Variants in CPNE7 observed in about 807,000 individuals in gnomAD.
The protein encoded by CPNE7 is copine 7, also known as copine-7.
CPNE7 carries 78 observed loss-of-function variants against 66.5 expected under a neutral mutation model. The ratio of observed to expected loss-of-function variants is 1.17; its 90% CI spans 0.98 to 1.42. The LOEUF (loss-of-function observed/expected upper bound fraction) is 1.42. CPNE7 is among the 40% of genes most tolerant of loss of function. CPNE7 has a pLI of 0.00. For missense variants in CPNE7, 1,012 were observed against 776.6 expected (o/e 1.30, Z -3.60); for synonymous variants, 468 against 336.7 (o/e 1.39, Z -4.27).
At chr16:89,585,401 C>G in intron 5 of CPNE7, 63 bp from the exon 6 acceptor site, 1 of 1,185,112 alleles carries the variant, frequency 8.4e-7, no homozygotes, top group Non-Finnish European at 1.2e-6. Context: ...ACCCAGGTCT[C>G]TATCCCCCCC....
rs548466833 is a variant in CPNE7, at chr16:89,578,002, G to C, written c.357+281G>C. Among the ~76,000 whole-genome samples the C allele has an allele frequency of 1.1e-4, 16 of 152,284 alleles. 1 individual carries two copies. In the East Asian group the frequency reaches 1.5e-3, roughly 15 times the overall value. ...CTGCCAGGTCCCTGGACATTGTCCA[G>C]AGAGAGATTTTCACAGGAGCAAACC... On this transcript the variant is annotated intron_variant, in intron 2 of 14. Transcript: ENST00000319518.
intron 13 of CPNE7, among the ~76,000 whole-genome samples, chr16:89,591,689 G>A (rs912700085): frequency 6.6e-6 from 1 of 152,110 alleles, no homozygotes; most frequent in Non-Finnish European, 1.5e-5. Context: ...CCAGCCTGCT[G>A]CTTTCTTTTC....
rs758618482 is a variant in CPNE7, at chr16:89,588,695, C to T, written c.948C>T (p.Ala316=). The change falls in exon 10 of 15, where the codon GCC becomes GCT. Residue 316 remains alanine (A), a synonymous_variant. Coordinates refer to ENST00000319518, the MANE Select transcript of CPNE7 (RefSeq NM_153636.3). ...TGCAGGTGGCCATTGACTTCACCGC[C>T]TCCAATGGAGACCCGCGGAACAGCT... ...IHFTVAIDFT[A]SNGDPRNSCS... is the part of the protein sequence containing the mutation. 3 of 1,613,430 alleles carry T rather than the reference C, an allele frequency of 1.9e-6. No homozygotes were observed. Among genetic ancestry groups the T allele is most frequent in the East Asian group, 2.2e-5 (1 of 44,880 alleles).
intron 9 of CPNE7, chr16:89,587,435 C>T (rs1597707833): frequency 5.0e-6 from 2 of 397,192 alleles, no homozygotes; most frequent in Non-Finnish European, 1.0e-5. Flanking sequence ...TGCGCGGCTC[C>T]TGGGGGTCCT....
At chr16:89,587,631 G>A (rs1276574054) in intron 9 of CPNE7, 9 of 450,030 alleles carry the variant, frequency 2.0e-5, no homozygotes, top group Non-Finnish European at 4.0e-5. Context: ...CATCCAAGGA[G>A]CCCGGCACAG....
In CPNE7 at chr16:89,585,782, G is replaced by C; in HGVS notation, c.777G>C (p.Gly259=). The change falls in exon 7 of 15, where the codon GGG becomes GGC. Residue 259 remains glycine, a synonymous_variant. Coordinates refer to ENST00000319518, the MANE Select transcript of CPNE7 (RefSeq NM_153636.3). ...AGATGCAGAAGGCCTTTGAGGAGGG[G>C]CAGGTGAGCAGGACGGGGTAGGGGG... ...FEEMQKAFEE[G]QAQWDCVNPK... 1 of 1,517,804 alleles carries C rather than the reference G, an allele frequency of 6.6e-7. No individual in the cohort carries two copies. Among genetic ancestry groups the C allele is most frequent in the Non-Finnish European group, 8.8e-7 (1 of 1,132,042 alleles). 94.0% of individuals were successfully genotyped at this position (1,517,804 alleles called of 1,614,324 possible).
At position 89,585,498 on chromosome 16, in the gene CPNE7, C is replaced by T. The variant is rs1270903911; in HGVS notation, c.626C>T (p.Ala209Val). 5.0e-6 allele frequency: 8 copies of T among 1,612,278 alleles called. No homozygotes were observed. The highest frequency in any genetic ancestry group is 2.2e-5 in the South Asian group (2 of 90,846). The change falls in exon 6 of 15, where the codon GCC becomes GTC. Residue 209 changes from alanine (A) to valine (V), a missense_variant. Physicochemically the swap from Ala to Val is moderately conservative, Grantham distance 64. Coordinates refer to ENST00000319518, the MANE Select transcript of CPNE7 (RefSeq NM_153636.3). ...AACAACCTGAACCCGGTGTGGGAGGCCTTCAAAGTCTCTCTGAGTTCCCTC... is the reference window on the plus strand; with the variant it reads ...AACAACCTGAACCCGGTGTGGGAGGTCTTCAAAGTCTCTCTGAGTTCCCTC... ...VKNNLNPVWE[A>V]FKVSLSSLCS...
rs1165818415 is a variant in CPNE7 at position 89,575,958 on chromosome 16, G to A, written c.61G>A (p.Ala21Thr). The change falls in exon 1 of 15, where the codon GCC becomes ACC. Residue 21 changes from alanine to threonine, a missense_variant. Ala to Thr is a moderately conservative substitution (Grantham distance 58, BLOSUM62 0). Transcript: ENST00000319518. ...ATPGGLPAPC[A>T]SKVELRLSCR... ...CCCCGGGGGTTTGCCCGCGCCCTGC[G>A]CCTCGAAGGTGGAGCTGCGGCTCAG... 5.9e-6 allele frequency: 8 copies of A among 1,351,528 alleles called. No individual in the cohort carries two copies. Among genetic ancestry groups the A allele is most frequent in the Non-Finnish European group, 7.6e-6 (8 of 1,050,588 alleles). 83.7% of individuals were successfully genotyped at this position (1,351,528 alleles called of 1,614,324 possible).
chr16:89,584,829 A>T lies in CPNE7; in HGVS notation c.563A>T (p.Gln188Leu). The change falls in exon 5 of 15, where the codon CAG (glutamine) becomes CTG (leucine). Residue 188 changes from glutamine (Q) to leucine (L), a missense_variant. By Grantham distance (113) the Gln-to-Leu change is moderately radical (BLOSUM62 -2). Coordinates refer to ENST00000319518, the MANE Select transcript of CPNE7 (RefSeq NM_153636.3). This position sits in a 1 kb window ranked among gnomAD's most constrained non-coding sequence, Gnocchi z 6.0. Reference protein sequence around the residue: ...FLELYRVNDDQGLQLVYRTEV... With the variant: ...FLELYRVNDDLGLQLVYRTEV... ...GAGCTCTACAGGGTCAACGACGACC[A>T]GGGCTTGCAGCTGGTGTACAGGACG... is the stretch of plus-strand genomic sequence containing the variant. The T allele has an allele frequency of 6.2e-7, 1 of 1,613,614 alleles. No individual in the cohort carries two copies. The highest frequency in any genetic ancestry group is 1.7e-4 in the Middle Eastern group (1 of 6,056).
intron 2 of CPNE7, among the ~76,000 whole-genome samples, chr16:89,579,397 CGTCACACGGAACATCTCACCT>C (rs971529566): frequency 2.0e-5 from 3 of 152,156 alleles, no homozygotes; most frequent in African/African-American, 7.2e-5. Flanking sequence ...CAGAACATCC[CGTCACACGGAACATCTCACCT>C]GTCACACAGA....
chr16:89,595,253 C>T (rs983267104), intron 13 of CPNE7, 114 bp from the exon 14 acceptor site: 2 of 795,728 alleles, frequency 2.5e-6, no homozygotes, highest in African/African-American at 3.5e-5. Flanking sequence ...GAAGGCGGTT[C>T]TAGGAAGCTC....
Position 89,587,252 on chromosome 16 carries a change from GC to G in CPNE7, c.927+155del, listed in dbSNP as rs1172401301. ...CTCAGTCCGTGGCCCCGCCCCTCCC[GC>G]CCCCTCAGTCTGTGGCCCCGCCCAT... On this transcript the variant is annotated intron_variant, in intron 9 of 14. Transcript: ENST00000319518. 19 of 79,702 alleles carry G rather than the reference GC, an allele frequency of 2.4e-4. 3 individuals carry two copies. The Middle Eastern group carries it at 0.011, about 46-fold the overall frequency. The allele number at this position is 79,702 out of a possible 1,614,324, so 4.9% of individuals were successfully genotyped here.
At chr16:89,586,963 C>A in intron 8 of CPNE7, 80 bp from the exon 9 acceptor site, 1 of 1,410,962 alleles carries the variant, frequency 7.1e-7, no homozygotes, top group Non-Finnish European at 9.8e-7. Flanking sequence ...GGGCTGCCTG[C>A]GGGAGGCAGG....
chr16:89,595,692 C>A, intron 14 of CPNE7, 89 bp downstream of exon 14: 1 of 1,169,622 alleles, frequency 8.5e-7, no homozygotes, highest in Non-Finnish European at 1.3e-6. Context: ...AGGCTCACGC[C>A]AGTGGATGTG....
Position 89,595,770 on chromosome 16 carries a change from A to G in CPNE7, c.1539+167A>G, listed in dbSNP as rs1420317085. ...CCAGTCAAGAGCAGTATCTGAAGCC[A>G]GGACTTTGAGCACCTGAAACACCCT... On this transcript the variant is annotated intron_variant, in intron 14 of 14. Transcript: ENST00000319518. The G allele has an allele frequency of 5.4e-6, 4 of 738,214 alleles. No homozygotes were observed. In the Admixed American group the frequency reaches 5.8e-5, roughly 11 times the overall value. 45.7% of individuals were successfully genotyped at this position (738,214 alleles called of 1,614,324 possible). A position where few individuals can be genotyped will look rare whatever the true frequency, so the allele number is the denominator to read the frequency against.
At chr16:89,589,777 C>T (rs1485462576) in intron 10 of CPNE7, 120 bp from the exon 11 acceptor site, 17 of 1,029,336 alleles carry the variant, frequency 1.7e-5, no homozygotes, top group South Asian at 7.4e-5. Context: ...TGCTTACTGC[C>T]GTGGTACCAG....
In CPNE7 at chr16:89,588,657, G is replaced by T. The variant is rs2151449883; in HGVS notation, c.928-18G>T. The stretch of plus-strand genomic sequence containing the variant: ...GAGCCCCGGCCCAGCACAGCTCCTG[G>T]CTCCCGGCCCACTGCAGGTGGCCAT... On this transcript the variant is annotated intron_variant, in intron 9 of 14. Coordinates refer to ENST00000319518, the MANE Select transcript of CPNE7 (RefSeq NM_153636.3). 6.2e-7 allele frequency: 1 copy of T among 1,612,668 alleles called. No homozygotes were observed. Among genetic ancestry groups the T allele is most frequent in the South Asian group, 1.1e-5 (1 of 91,052 alleles).
Position 89,588,739 on chromosome 16 carries a change from A to T in CPNE7, c.992A>T (p.Asn331Ile). The T allele has an allele frequency of 6.2e-7, 1 of 1,613,248 alleles. No individual in the cohort carries two copies. Among genetic ancestry groups the T allele is most frequent in the South Asian group, 1.1e-5 (1 of 91,062 alleles). ...PRNSCSLHYI[N>I]PYQPNEYLKA... ...AACAGCTGCTCCCTGCACTACATCA[A>T]CCCCTACCAGCCGAACGAGTACCTG... The change falls in exon 10 of 15, where the codon AAC becomes ATC. Residue 331 changes from asparagine to isoleucine, a missense_variant. By Grantham distance (149) the Asn-to-Ile change is moderately radical. Coordinates refer to ENST00000319518, the MANE Select transcript of CPNE7 (RefSeq NM_153636.3).
chr16:89,585,350 A>G, intron 5 of CPNE7, 114 bp from the exon 6 acceptor site: 1 of 737,034 alleles, frequency 1.4e-6, no homozygotes, highest in Non-Finnish European at 2.3e-6. Context: ...GGGGTGATGC[A>G]GGGGCAGGGC....
Sources: allele counts gnomAD v4.1 joint callset (sites outside exome capture counted in the v4.1 genomes callset), GRCh38; gene constraint gnomAD v4.1.1; non-coding constraint Gnocchi (gnomAD v3.1); transcripts MANE v1.5; gene names NCBI Gene and HGNC (gene_info 2026-07-23, HGNC 2026-07-21).